The following RNPC3 variants were observed in gnomAD, a reference collection of about 807,000 sequenced individuals.
The protein encoded by RNPC3 is RNA binding region (RNP1, RRM) containing 3.
In RNPC3, 48 loss-of-function variants were observed where a neutral mutation model predicts 67.5. That is an observed-to-expected ratio of 0.71 (90% confidence interval 0.56 to 0.90). The LOEUF (loss-of-function observed/expected upper bound fraction) is 0.90. Ranked by LOEUF, RNPC3 falls within the 40% of genes least tolerant of loss-of-function variation. The pLI, the probability that RNPC3 is intolerant of heterozygous loss-of-function variation, is 0.00. For missense variants in RNPC3, 637 were observed against 626.1 expected (o/e 1.02, Z -0.19); for synonymous variants, 239 against 210.3 (o/e 1.14, Z -1.18).
Position 103,526,310 on chromosome 1 carries a change from G to T in RNPC3, c.192+48G>T. 3 of 1,447,272 alleles carry T rather than the reference G, an allele frequency of 2.1e-6. No individual in the cohort carries two copies. The South Asian group carries it at 4.0e-5, about 19-fold the overall frequency. The allele number at this position is 1,447,272 out of a possible 1,614,324, so 89.7% of individuals were successfully genotyped here. Reference sequence around the variant, plus strand: ...TCTCCCGGGAAGGCATTTGGGAAGTGACCGGGGAGGGGGAGCGCTGACAAG... The same window carrying T: ...TCTCCCGGGAAGGCATTTGGGAAGTTACCGGGGAGGGGGAGCGCTGACAAG... On this transcript the variant is annotated intron_variant, in intron 1 of 14. Coordinates refer to ENST00000423855, the MANE Select transcript of RNPC3 (RefSeq NM_017619.4).
At chr1:103,532,241 A>G (rs1394325442) in intron 2 of RNPC3, among the ~76,000 whole-genome samples, 1 of 152,118 alleles carries the variant, frequency 6.6e-6, no homozygotes, top group African/African-American at 2.4e-5. Flanking sequence ...GCCTTATGGT[A>G]TAGGCAAACA....
chr1:103,531,245 T>A (rs1650851604), intron 2 of RNPC3, among the ~76,000 whole-genome samples: 1 of 152,184 alleles, frequency 6.6e-6, no homozygotes, highest in Admixed American at 6.5e-5. Flanking sequence ...TATCCACTCA[T>A]TGATTGATGG....
Position 103,534,852 on chromosome 1 carries a change from C to A in RNPC3, c.438C>A (p.Asn146Lys). 3 of 1,524,086 alleles carry A rather than the reference C, an allele frequency of 2.0e-6. No homozygotes were observed. The highest frequency in any genetic ancestry group is 2.6e-6 in the Non-Finnish European group (3 of 1,139,504). 94.4% of individuals were successfully genotyped at this position (1,524,086 alleles called of 1,614,324 possible). A position where few individuals can be genotyped will look rare whatever the true frequency, so the allele number is the denominator to read the frequency against. Residue 146 changes from asparagine to lysine, a missense_variant, in exon 4 of 15, where the codon AAC becomes AAA. Around this residue, in one of 3 missense-constraint regions of RNPC3, gnomAD observed 536 missense variants for 500.3 expected, o/e 1.07. Coordinates refer to ENST00000423855, the MANE Select transcript of RNPC3 (RefSeq NM_017619.4). ...YLTVENGIAPNHGLTFPLNSC... is the reference protein window; with the variant it reads ...YLTVENGIAPKHGLTFPLNSC... ...CAGTAGAAAATGGAATTGCACCAAA[C>A]CATGGGTTAGCATTTTTGTTTGCTT...
At chr1:103,536,998 C>T (rs960473566) in intron 6 of RNPC3, among the ~76,000 whole-genome samples, 2 of 152,186 alleles carry the variant, frequency 1.3e-5, no homozygotes, top group Non-Finnish European at 1.5e-5. Flanking sequence ...CATGTGCCTT[C>T]CCAGGTTGAT....
intron 12 of RNPC3, among the ~76,000 whole-genome samples, chr1:103,549,761 G>A (rs1195973657): frequency 6.6e-6 from 1 of 152,156 alleles, no homozygotes; most frequent in African/African-American, 2.4e-5. Flanking sequence ...TATCTGCTTT[G>A]AAGAGTCACT....
chr1:103,554,957 G>C (rs557139183), intron 14 of RNPC3, 77 bp from the exon 15 acceptor site: 1 of 151,984 alleles, frequency 6.6e-6, no homozygotes, highest in African/African-American at 2.4e-5. Flanking sequence ...AATATAAATG[G>C]TTCAGCTCTT....
chr1:103,547,389 G>A (rs1651271492), intron 12 of RNPC3, among the ~76,000 whole-genome samples: 1 of 152,120 alleles, frequency 6.6e-6, no homozygotes, highest in Admixed American at 6.6e-5. Flanking sequence ...GATGGATTCC[G>A]ACCGTAATCT....
intron 11 of RNPC3, 195 bp from the exon 12 acceptor site, chr1:103,546,782 T>TAA (rs1651253628): frequency 2.3e-6 from 1 of 440,514 alleles, no homozygotes; most frequent in South Asian, 5.3e-5. Flanking sequence ...CCACAATTTC[T>TAA]GCCTTTGTAC....
At position 103,525,989 on chromosome 1, in the gene RNPC3, A is replaced by G. The variant is rs1420500817; in HGVS notation, c.-82A>G. The G allele has an allele frequency of 2.6e-6, 3 of 1,141,178 alleles. No homozygotes were observed. The highest frequency in any genetic ancestry group is 5.4e-5 in the East Asian group (2 of 37,152). The allele number at this position is 1,141,178 out of a possible 1,614,324, so 70.7% of individuals were successfully genotyped here. A position where few individuals can be genotyped will look rare whatever the true frequency, so the allele number is the denominator to read the frequency against. ...GAATCCTTAGCGCGAGGCGGAAAAAATATTTCTCCCAGCTTGTGTTGATGC... is the reference window on the plus strand; with the variant it reads ...GAATCCTTAGCGCGAGGCGGAAAAAGTATTTCTCCCAGCTTGTGTTGATGC... On this transcript the variant is annotated 5_prime_UTR_variant, in exon 1 of 15. Transcript: ENST00000423855.
At chr1:103,535,470 G>A (rs1215165205) in intron 5 of RNPC3, 29 bp downstream of exon 5, 2 of 1,367,878 alleles carry the variant, frequency 1.5e-6, no homozygotes, top group Non-Finnish European at 2.0e-6. Context: ...TTCCTAAAAG[G>A]ACTTGTTGTA....
At chr1:103,544,727 C>G (rs1273709496) in intron 9 of RNPC3, among the ~76,000 whole-genome samples, 1 of 151,420 alleles carries the variant, frequency 6.6e-6, no homozygotes, top group African/African-American at 2.4e-5. Flanking sequence ...TTTTTCTTAT[C>G]TCATGGCTAG....
In RNPC3 at chr1:103,551,158, A is replaced by T. The variant is rs527992950; in HGVS notation, c.1494+85A>T. ...TTAATTTTCATGTTACCCTTTAGAA[A>T]TTTCCACAATTGGCATTCTAGCAGT... is the stretch of plus-strand genomic sequence containing the variant. On this transcript the variant is annotated intron_variant, in intron 13 of 14. Coordinates refer to ENST00000423855, the MANE Select transcript of RNPC3 (RefSeq NM_017619.4). The T allele has an allele frequency of 1.3e-5, 15 of 1,187,456 alleles. No homozygotes were observed. The East Asian group carries it at 4.0e-4, about 32-fold the overall frequency. The allele number at this position is 1,187,456 out of a possible 1,614,324, so 73.6% of individuals were successfully genotyped here.
At position 103,534,774 on chromosome 1, in the gene RNPC3, G is replaced by GTCTGAT; in HGVS notation, c.361_366dup (p.Ser121_Asp122dup). ...TTAACTTTGATTCTGTATGTCCCAG[G>GTCTGAT]TCTGATGACCCTGTCGAAGATGATA... On this transcript the variant is annotated inframe_insertion and splice_region_variant, in exon 4 of 15. Coordinates refer to ENST00000423855, the MANE Select transcript of RNPC3 (RefSeq NM_017619.4). 2 of 1,517,960 alleles carry GTCTGAT rather than the reference G, an allele frequency of 1.3e-6. No homozygotes were observed. Among genetic ancestry groups the GTCTGAT allele is most frequent in the African/African-American group, 2.8e-5 (2 of 71,968 alleles). The allele number at this position is 1,517,960 out of a possible 1,614,324, so 94.0% of individuals were successfully genotyped here.
intron 7 of RNPC3, 34 bp from the exon 8 acceptor site, chr1:103,541,316 G>C: frequency 6.9e-7 from 1 of 1,458,854 alleles, no homozygotes; most frequent in South Asian, 1.4e-5. Flanking sequence ...TTCTAGAAAG[G>C]AAATTTTGTT....
At chr1:103,550,640 CAA>C (rs34109337) in intron 12 of RNPC3, among the ~76,000 whole-genome samples, 153 of 88,618 alleles carry the variant, frequency 1.7e-3, no homozygotes, top group African/African-American at 3.7e-3. Flanking sequence ...GACTCTGTCT[CAA>C]AAAAAAAAAA....
chr1:103,548,782 C>T lies in RNPC3; in HGVS notation c.1361+1747C>T, dbSNP rs181872803. Among the ~76,000 whole-genome samples the T allele has an allele frequency of 3.0e-3, 453 of 152,244 alleles. 1 individual carries two copies. Among genetic ancestry groups the T allele is most frequent in the Non-Finnish European group, 4.7e-3 (317 of 68,006 alleles). Reference sequence around the variant, plus strand: ...CCAATTTACTGTATTAGTCTGTTTTCACTCTGCTGATAAATACATACCTGA... The same window carrying T: ...CCAATTTACTGTATTAGTCTGTTTTTACTCTGCTGATAAATACATACCTGA... On this transcript the variant is annotated intron_variant, in intron 12 of 14. Coordinates refer to ENST00000423855, the MANE Select transcript of RNPC3 (RefSeq NM_017619.4).
intron 2 of RNPC3, 56 bp downstream of exon 2, chr1:103,527,798 G>T: frequency 7.9e-7 from 1 of 1,273,688 alleles, no homozygotes; most frequent in South Asian, 1.3e-5. Flanking sequence ...ATACAATCTT[G>T]GTTCAGATAA....
intron 7 of RNPC3, among the ~76,000 whole-genome samples, chr1:103,541,114 A>C (rs1651115737): frequency 6.6e-6 from 1 of 152,278 alleles, no homozygotes; most frequent in East Asian, 1.9e-4. Flanking sequence ...TATGTAATTA[A>C]GTCTATTTTT....
chr1:103,527,216 T>A (rs991125077), intron 1 of RNPC3, among the ~76,000 whole-genome samples: 7 of 152,184 alleles, frequency 4.6e-5, no homozygotes, highest in African/African-American at 1.7e-4. Flanking sequence ...CCGTATAATT[T>A]ATGTTTAAAA....
Sources: gnomAD v4.1 joint callset for allele counts (sites outside exome capture counted in the v4.1 genomes callset) on GRCh38, gnomAD v4.1.1 for gene constraint, gnomAD v4.1.1 regional missense constraint, MANE v1.5 for transcripts, NCBI Gene and HGNC (gene_info 2026-07-23, HGNC 2026-07-21) for gene names.